Variants in ADD1 observed in about 807,000 individuals in gnomAD.
The protein encoded by ADD1 is adducin 1.
A neutral mutation model predicts 80.5 loss-of-function variants in ADD1; 24 were observed. The observed-to-expected ratio is 0.30, with a 90% confidence interval of 0.22 to 0.42. ADD1 has a LOEUF of 0.42. Ranked by LOEUF, ADD1 falls within the 10% of genes least tolerant of loss-of-function variation. The pLI is 1.00. For synonymous variants in ADD1, 373 were observed against 393.8 expected, an observed-to-expected ratio of 0.95 and a Z score of 0.63; for missense variants, 948 against 1,019.0, an observed-to-expected ratio of 0.93 and a Z score of 0.95.
chr4:2,852,235 CTTT>C (rs1560138777), intron 1 of ADD1, among the ~76,000 whole-genome samples: 2 of 128,786 alleles, frequency 1.6e-5, no homozygotes, highest in African/African-American at 6.3e-5. Flanking sequence ...TCTTTCCTTT[CTTT>C]CTTTCTTTCT....
At position 2,928,476 on chromosome 4, in the gene ADD1, C is replaced by T. The variant is rs532973522; in HGVS notation, c.2353C>T (p.Arg785Cys). The change falls in exon 16 of 16, where the codon CGT becomes TGT. Residue 785 changes from arginine to cysteine, a missense_variant. Transcript: ENST00000683351. Reference sequence around the variant, plus strand: ...CCCGTCCAAAAAGAAGAAGAAGTTCCGTACCCCGTCCTTTCTGAAGAAGAG... The same window carrying T: ...CCCGTCCAAAAAGAAGAAGAAGTTCTGTACCCCGTCCTTTCTGAAGAAGAG... ...KSPSKKKKKF[R>C]TPSFLKKSKK... 7 of 1,613,838 alleles carry T rather than the reference C, an allele frequency of 4.3e-6. No individual in the cohort carries two copies. The highest frequency in any genetic ancestry group is 1.3e-5 in the African/African-American group (1 of 75,042).
chr4:2,857,178 C>T (rs1315398494), intron 1 of ADD1, among the ~76,000 whole-genome samples: 1 of 152,176 alleles, frequency 6.6e-6, no homozygotes, highest in Non-Finnish European at 1.5e-5. Context: ...TCCCAAAGTG[C>T]TAAGATTACA....
chr4:2,901,151 A>G, intron 9 of ADD1: 1 of 152,574 alleles, frequency 6.6e-6, no homozygotes, highest in Non-Finnish European at 1.5e-5. Context: ...AGAGTGGGGC[A>G]GCCATGGCCC....
chr4:2,852,180 T>TCC (rs1339497537), intron 1 of ADD1, among the ~76,000 whole-genome samples: 55 of 63,176 alleles, frequency 8.7e-4, no homozygotes, highest in African/African-American at 3.3e-3. Flanking sequence ...CTTTCTTTCT[T>TCC]TCTTTCTTTC....
intron 2 of ADD1, among the ~76,000 whole-genome samples, chr4:2,879,180 T>C (rs776670529): frequency 1.3e-5 from 2 of 152,144 alleles, no homozygotes; most frequent in Non-Finnish European, 2.9e-5. Flanking sequence ...GTCCTTAGGC[T>C]AGTGACAGCT....
intron 1 of ADD1, among the ~76,000 whole-genome samples, chr4:2,849,925 T>C (rs1286176806): frequency 6.6e-6 from 1 of 152,230 alleles, no homozygotes; most frequent in East Asian, 1.9e-4. Context: ...AGTAGCCATG[T>C]AATACATGAA....
intron 4 of ADD1, among the ~76,000 whole-genome samples, chr4:2,886,453 T>C (rs1378143939): frequency 6.6e-6 from 1 of 152,224 alleles, no homozygotes; most frequent in East Asian, 1.9e-4. Flanking sequence ...AGCCTTACCA[T>C]GTCATGCTCC....
intron 14 of ADD1, among the ~76,000 whole-genome samples, chr4:2,919,287 A>C (rs1739606094): frequency 6.6e-6 from 1 of 152,150 alleles, no homozygotes; most frequent in South Asian, 2.1e-4. Flanking sequence ...ATTGGCCTGA[A>C]ATTTTCTTTT....
chr4:2,870,006 C>T (rs1018387564), intron 1 of ADD1, among the ~76,000 whole-genome samples: 6 of 152,146 alleles, frequency 3.9e-5, no homozygotes, highest in Non-Finnish European at 5.9e-5. Context: ...GCATTTTACA[C>T]GGAGGCTTTC....
intron 4 of ADD1, among the ~76,000 whole-genome samples, chr4:2,885,821 A>T (rs546370630): frequency 6.6e-6 from 1 of 151,458 alleles, no homozygotes; most frequent in East Asian, 1.9e-4. Flanking sequence ...CGTGTTAGCC[A>T]GGATGGTCTC....
chr4:2,844,716 G>T (rs1231686270), intron 1 of ADD1: 1 of 152,166 alleles, frequency 6.6e-6, no homozygotes, highest in African/African-American at 2.4e-5. Flanking sequence ...CTTGAAAAAC[G>T]TATTTTGGTT....
rs544526823 is a variant in ADD1 at position 2,855,435 on chromosome 4, T to G, written c.-21+11411T>G. Reference sequence around the variant, plus strand: ...GAGTTGTTTGTTTTTCTTTATATTCTTCCATCTTTTGGTTTGGAAATGACA... The same window carrying G: ...GAGTTGTTTGTTTTTCTTTATATTCGTCCATCTTTTGGTTTGGAAATGACA... On this transcript the variant is annotated intron_variant, in intron 1 of 15. Coordinates refer to ENST00000683351, the MANE Select transcript of ADD1 (RefSeq NM_001354761.2). Among the ~76,000 whole-genome samples the G allele has an allele frequency of 2.0e-5, 3 of 152,170 alleles. No individual in the cohort carries two copies. The South Asian group carries it at 6.2e-4, about 32-fold the overall frequency.
intron 12 of ADD1, 178 bp downstream of exon 12, chr4:2,908,782 G>C (rs1737494527): frequency 3.2e-6 from 2 of 619,140 alleles, no homozygotes; most frequent in African/African-American, 3.7e-5. Flanking sequence ...AGTTCTAGAA[G>C]GAGCGAGCAT....
chr4:2,862,588 A>G (rs1560151921), intron 1 of ADD1, among the ~76,000 whole-genome samples: 1 of 152,110 alleles, frequency 6.6e-6, no homozygotes, highest in Non-Finnish European at 1.5e-5. Flanking sequence ...CACCTGGCCT[A>G]GTGCTCTCAC....
chr4:2,906,190 T>G (rs1737027014), intron 10 of ADD1, among the ~76,000 whole-genome samples: 1 of 152,196 alleles, frequency 6.6e-6, no homozygotes, highest in Non-Finnish European at 1.5e-5. Flanking sequence ...ACGCAGTTGG[T>G]GAGAAGCCTC....
At chr4:2,911,892 G>A (rs935634462) in intron 13 of ADD1, among the ~76,000 whole-genome samples, 2 of 152,230 alleles carry the variant, frequency 1.3e-5, no homozygotes, top group Non-Finnish European at 1.5e-5. Context: ...CACCTCACCA[G>A]GGGCTGTGTT....
At chr4:2,891,672 G>A (rs551687706) in intron 4 of ADD1, among the ~76,000 whole-genome samples, 3 of 152,272 alleles carry the variant, frequency 2.0e-5, no homozygotes, top group Non-Finnish European at 4.4e-5. Flanking sequence ...TGTAGACACA[G>A]GCTCTTCCAT....
intron 10 of ADD1, among the ~76,000 whole-genome samples, chr4:2,906,631 C>A (rs2109072834): frequency 6.6e-6 from 1 of 152,244 alleles, no homozygotes; most frequent in African/African-American, 2.4e-5. Context: ...TGCAGTGCTC[C>A]CAGGTTGGTA....
At chr4:2,891,234 C>G (rs1433753777) in intron 4 of ADD1, among the ~76,000 whole-genome samples, 1 of 152,034 alleles carries the variant, frequency 6.6e-6, no homozygotes, top group Non-Finnish European at 1.5e-5. Context: ...GGGTGCATCA[C>G]TTGAGGCCAG....
Sources: gnomAD v4.1 joint callset for allele counts (sites outside exome capture counted in the v4.1 genomes callset) on GRCh38, gnomAD v4.1.1 for gene constraint, MANE v1.5 for transcripts, NCBI Gene and HGNC (gene_info 2026-07-23, HGNC 2026-07-21) for gene names.